AP4E1: variants seen among roughly 807,000 people sequenced by gnomAD.
The protein encoded by AP4E1 is AP-4 complex subunit epsilon-1.
A neutral mutation model predicts 128.2 loss-of-function variants in AP4E1; 56 were observed. That is an observed-to-expected ratio of 0.44 (90% CI 0.35 to 0.55). AP4E1 has a LOEUF of 0.55. Among genes scored for constraint, AP4E1 ranks in the 20% least tolerant of loss-of-function variants. The probability of loss-of-function intolerance (pLI) is 0.00; values close to 1 mark genes in which losing one functional copy is unlikely to be tolerated. For synonymous variants in AP4E1, 484 were observed against 473.1 expected, an observed-to-expected ratio of 1.02 and a Z score of -0.30; for missense variants, 1,324 against 1,307.7, an observed-to-expected ratio of 1.01 and a Z score of -0.19.
rs573556780 is a variant in AP4E1, at chr15:50,959,612, C to A, written c.1851+818C>A. On this transcript the variant is annotated intron_variant, in intron 14 of 20. Coordinates refer to ENST00000261842, the MANE Select transcript of AP4E1 (RefSeq NM_007347.5). ...AAAGATATCTACCAACGTGAAAACA[C>A]ATGAAAGTATAAAACTCACTGGTAA... is the stretch of plus-strand genomic sequence containing the variant. Among the ~76,000 whole-genome samples, 31 of 152,136 alleles carry A rather than the reference C, an allele frequency of 2.0e-4. 1 individual carries two copies. The highest frequency in any genetic ancestry group is 7.2e-4 in the African/African-American group (30 of 41,498).
chr15:50,933,282 C>T (rs1448167085), intron 7 of AP4E1, among the ~76,000 whole-genome samples: 3 of 152,106 alleles, frequency 2.0e-5, no homozygotes, highest in African/African-American at 7.2e-5. Context: ...ATAAATCTTA[C>T]ATTTTGTTGG....
At chr15:50,989,666 C>G (rs1015663535) in intron 16 of AP4E1, among the ~76,000 whole-genome samples, 1 of 151,862 alleles carries the variant, frequency 6.6e-6, no homozygotes, top group Non-Finnish European at 1.5e-5. Context: ...CCCTTCAAAC[C>G]CAGGGAGGAA....
intron 10 of AP4E1, among the ~76,000 whole-genome samples, chr15:50,943,555 A>G (rs1596473740): frequency 1.3e-5 from 2 of 152,336 alleles, no homozygotes; most frequent in African/African-American, 4.8e-5. Flanking sequence ...AAATAATTAT[A>G]CAGCCGTTCT....
In AP4E1 at chr15:51,005,394, A is replaced by C. The variant is rs1016320770; in HGVS notation, c.*2732A>C. Reference sequence around the variant, plus strand: ...GAAAAGCCTTAAGAGTAGACGGAGGAAGAAGGGTACCAGAATAGTCCCTGT... The same window carrying C: ...GAAAAGCCTTAAGAGTAGACGGAGGCAGAAGGGTACCAGAATAGTCCCTGT... On this transcript the variant is annotated 3_prime_UTR_variant, in exon 21 of 21. Transcript: ENST00000261842. 6.5e-6 allele frequency: 1 copy of C among 152,708 alleles called. No individual in the cohort carries two copies. Among genetic ancestry groups the C allele is most frequent in the Non-Finnish European group, 1.5e-5 (1 of 68,076 alleles). The allele number at this position is 152,708 out of a possible 1,614,324, so 9.5% of individuals were successfully genotyped here.
intron 16 of AP4E1, among the ~76,000 whole-genome samples, chr15:50,985,530 G>T (rs1373263036): frequency 6.6e-6 from 1 of 152,114 alleles, no homozygotes; most frequent in Non-Finnish European, 1.5e-5. Flanking sequence ...TCTACATGTG[G>T]CTAGCCAGTT....
intron 10 of AP4E1, chr15:50,945,350 C>T (rs2140852192): frequency 1.3e-6 from 1 of 779,772 alleles, no homozygotes; most frequent in South Asian, 1.3e-5. Context: ...AGGCAAGCTA[C>T]TCCTTTGAAA....
At chr15:50,937,990 G>A (rs990290680) in intron 8 of AP4E1, among the ~76,000 whole-genome samples, 3 of 152,114 alleles carry the variant, frequency 2.0e-5, no homozygotes, top group African/African-American at 7.2e-5. Context: ...ATAAAATGGA[G>A]TACAAGGGAC....
chr15:50,960,777 G>A (rs1403571254), intron 14 of AP4E1, among the ~76,000 whole-genome samples: 1 of 149,762 alleles, frequency 6.7e-6, no homozygotes, highest in African/African-American at 2.5e-5. Flanking sequence ...AAATAGTAAA[G>A]ATCAGACCAG....
chr15:50,949,723 C>T, intron 11 of AP4E1, 103 bp from the exon 12 acceptor site: 2 of 876,060 alleles, frequency 2.3e-6, no homozygotes, highest in Non-Finnish European at 3.8e-6. Context: ...GGTAAAACTG[C>T]CATACTAGGA....
At chr15:50,994,700 A>G (rs1344519648) in intron 17 of AP4E1, among the ~76,000 whole-genome samples, 1 of 152,148 alleles carries the variant, frequency 6.6e-6, no homozygotes, top group Non-Finnish European at 1.5e-5. Context: ...AATGCTTGGT[A>G]AGAGCACACC....
At chr15:50,914,788 C>T (rs562553551) in intron 2 of AP4E1, among the ~76,000 whole-genome samples, 1 of 151,808 alleles carries the variant, frequency 6.6e-6, no homozygotes, top group South Asian at 2.1e-4. Flanking sequence ...AATTTTTTAG[C>T]ATCCCTTAAA....
At chr15:50,991,668 G>A (rs955220093) in intron 16 of AP4E1, among the ~76,000 whole-genome samples, 2 of 151,998 alleles carry the variant, frequency 1.3e-5, no homozygotes, top group Non-Finnish European at 2.9e-5. Context: ...TCCCTTTAGG[G>A]CATTTTTTAT....
chr15:50,973,621 C>A (rs1246264005), intron 15 of AP4E1, among the ~76,000 whole-genome samples: 1 of 152,166 alleles, frequency 6.6e-6, no homozygotes, highest in African/African-American at 2.4e-5. Flanking sequence ...ATTCCTCAAT[C>A]CTATGAATTT....
chr15:50,970,072 C>A (rs1333089111), intron 15 of AP4E1, among the ~76,000 whole-genome samples: 1 of 152,110 alleles, frequency 6.6e-6, no homozygotes, highest in Non-Finnish European at 1.5e-5. Flanking sequence ...AATTTTTTAT[C>A]CTTTACCCTA....
chr15:50,914,039 C>G (rs541038269), intron 2 of AP4E1, among the ~76,000 whole-genome samples: 6 of 152,160 alleles, frequency 3.9e-5, no homozygotes, highest in Non-Finnish European at 8.8e-5. Flanking sequence ...AGGCTGGTCT[C>G]GAACTCCTGA....
rs564529494 is a variant in AP4E1, at chr15:50,960,199, G to A, written c.1851+1405G>A. ...TTGGAAACCTTGACACATCACTTTC[G>A]GAATAAGACAGATCATCTAGACCGA... On this transcript the variant is annotated intron_variant, in intron 14 of 20. Coordinates refer to ENST00000261842, the MANE Select transcript of AP4E1 (RefSeq NM_007347.5). Among the ~76,000 whole-genome samples the A allele has an allele frequency of 4.6e-5, 7 of 152,102 alleles. No homozygotes were observed. The South Asian group carries it at 6.2e-4, about 14-fold the overall frequency.
intron 8 of AP4E1, among the ~76,000 whole-genome samples, chr15:50,938,866 T>C (rs1007333839): frequency 2.6e-5 from 4 of 152,206 alleles, no homozygotes; most frequent in African/African-American, 9.7e-5. Flanking sequence ...GTAGAGAGCC[T>C]GGATTCCATT....
In AP4E1 at chr15:50,997,597, C is replaced by G. The variant is rs543393840; in HGVS notation, c.2618C>G (p.Ser873Cys). ...GAGAAATTCTCATATTGTAGTCTGTCTACACCTTCATTGTTTGCTAATAAC... is the reference window on the plus strand; with the variant it reads ...GAGAAATTCTCATATTGTAGTCTGTGTACACCTTCATTGTTTGCTAATAAC... ...LVEKFSYCSL[S>C]TPSLFANNNM... The change falls in exon 18 of 21, where the codon TCT becomes TGT. Residue 873 changes from serine to cysteine, a missense_variant. Transcript: ENST00000261842. 6.2e-7 allele frequency: 1 copy of G among 1,614,078 alleles called. No individual in the cohort carries two copies. The highest frequency in any genetic ancestry group is 1.3e-5 in the African/African-American group (1 of 75,044).
intron 16 of AP4E1, among the ~76,000 whole-genome samples, chr15:50,986,214 C>T (rs1363981256): frequency 6.6e-6 from 1 of 152,130 alleles, no homozygotes; most frequent in African/African-American, 2.4e-5. Flanking sequence ...TGGGCTGAGA[C>T]TGTGGGGTTT....
Sources: gnomAD v4.1 joint callset for allele counts (sites outside exome capture counted in the v4.1 genomes callset) on GRCh38, gnomAD v4.1.1 for gene constraint, MANE v1.5 for transcripts, NCBI Gene and HGNC (gene_info 2026-07-23, HGNC 2026-07-21) for gene names.